Variants in RAB10 observed in about 807,000 individuals in gnomAD.
RAB10 encodes ras-related protein Rab-10.
RAB10 carries 5 observed loss-of-function variants against 25.7 expected under a neutral mutation model. That is an observed-to-expected ratio of 0.19 (90% confidence interval 0.10 to 0.41). The LOEUF (loss-of-function observed/expected upper bound fraction) is 0.41, where lower values mean the gene tolerates loss of function less well. Ranked by LOEUF, RAB10 falls within the 10% of genes least tolerant of loss-of-function variation. RAB10 has a pLI of 1.00. For missense variants in RAB10, 103 were observed against 245.8 expected, an observed-to-expected ratio of 0.42 and a Z score of 3.89; for synonymous variants, 89 against 86.4, an observed-to-expected ratio of 1.03 and a Z score of -0.16.
chr2:26,085,860 A>G (rs766561973), intron 1 of RAB10, among the ~76,000 whole-genome samples: 4 of 151,684 alleles, frequency 2.6e-5, no homozygotes, highest in African/African-American at 9.7e-5. Context: ...TTAGCTGGGC[A>G]TGGTGGCGCA....
At chr2:26,133,669 TTTTC>T (rs1018370538) in intron 5 of RAB10, among the ~76,000 whole-genome samples, 5 of 152,090 alleles carry the variant, frequency 3.3e-5, no homozygotes, top group African/African-American at 1.2e-4. Flanking sequence ...TTTTTTTTCT[TTTTC>T]TTTTTCTTTT....
At chr2:26,133,361 T>C (rs1273606564) in intron 5 of RAB10, among the ~76,000 whole-genome samples, 1 of 152,054 alleles carries the variant, frequency 6.6e-6, no homozygotes, top group African/African-American at 2.4e-5. Flanking sequence ...GAGAAGAATA[T>C]ATTCAACTAT....
intron 1 of RAB10, among the ~76,000 whole-genome samples, chr2:26,054,054 T>TCC (rs1553724319): frequency 6.9e-6 from 1 of 144,526 alleles, no homozygotes; most frequent in African/African-American, 2.7e-5. Context: ...TTTTTTTTTT[T>TCC]CCTGTTTTTT....
intron 1 of RAB10, among the ~76,000 whole-genome samples, chr2:26,085,718 T>C (rs1261407183): frequency 6.6e-6 from 1 of 151,452 alleles, no homozygotes; most frequent in African/African-American, 2.4e-5. Flanking sequence ...ATAAAGAGAC[T>C]GGGCACAGTG....
intron 4 of RAB10, 51 bp downstream of exon 4, chr2:26,127,284 G>C (rs1667925695): frequency 7.6e-6 from 10 of 1,314,070 alleles, no homozygotes; most frequent in Non-Finnish European, 1.1e-5. Flanking sequence ...TAAAGGTAAT[G>C]CTACTTTTGA....
intron 1 of RAB10, among the ~76,000 whole-genome samples, chr2:26,080,986 C>T (rs1013343094): frequency 3.0e-4 from 45 of 152,286 alleles, no homozygotes; most frequent in Admixed American, 1.2e-3. Flanking sequence ...GTAATTCCCA[C>T]AGTCCCACAT....
At chr2:26,062,854 C>T (rs1203047044) in intron 1 of RAB10, among the ~76,000 whole-genome samples, 1 of 152,064 alleles carries the variant, frequency 6.6e-6, no homozygotes, top group African/African-American at 2.4e-5. Context: ...GTGGCTCATG[C>T]CTGTAATTCC....
intron 1 of RAB10, chr2:26,042,758 A>G (rs1407343588): frequency 1.3e-5 from 2 of 152,040 alleles, no homozygotes; most frequent in Non-Finnish European, 2.9e-5. Flanking sequence ...TGACACGCAA[A>G]TTTGTGAATT....
chr2:26,125,596 C>G (rs1667888599), intron 3 of RAB10, among the ~76,000 whole-genome samples: 1 of 151,970 alleles, frequency 6.6e-6, no homozygotes, highest in Non-Finnish European at 1.5e-5. Context: ...ACTACAGGCA[C>G]ACACCACCGT....
At chr2:26,090,940 C>CAA (rs34929018) in intron 1 of RAB10, among the ~76,000 whole-genome samples, 5 of 143,110 alleles carry the variant, frequency 3.5e-5, no homozygotes, top group East Asian at 2.0e-4. Context: ...TCTCCCCCCC[C>CAA]AAAAAAAAAA....
chr2:26,119,253 T>A lies in RAB10; in HGVS notation c.328-7891T>A, dbSNP rs548717704. Among the ~76,000 whole-genome samples, 4 of 152,134 alleles carry A rather than the reference T, an allele frequency of 2.6e-5. No individual in the cohort carries two copies. The South Asian group carries it at 8.3e-4, about 32-fold the overall frequency. The stretch of plus-strand genomic sequence containing the variant: ...AAGACCTCATCTCTACTAAAAAAGT[T>A]TATTTTTTAAAGTCGGATATGGCGG... On this transcript the variant is annotated intron_variant, in intron 3 of 5. Coordinates refer to ENST00000264710, the MANE Select transcript of RAB10 (RefSeq NM_016131.5).
At chr2:26,123,958 A>G (rs1667854902) in intron 3 of RAB10, among the ~76,000 whole-genome samples, 1 of 151,864 alleles carries the variant, frequency 6.6e-6, no homozygotes, top group South Asian at 2.1e-4. Context: ...AGCAAGACCA[A>G]CCCCCTCCTC....
At chr2:26,089,997 A>C (rs1302733121) in intron 1 of RAB10, among the ~76,000 whole-genome samples, 4 of 152,050 alleles carry the variant, frequency 2.6e-5, no homozygotes, top group Non-Finnish European at 5.9e-5. Flanking sequence ...TTTGTTTTTC[A>C]TATAAATTCT....
At chr2:26,079,659 C>G (rs982391416) in intron 1 of RAB10, among the ~76,000 whole-genome samples, 5 of 152,120 alleles carry the variant, frequency 3.3e-5, no homozygotes, top group African/African-American at 1.2e-4. Flanking sequence ...TTCTCCCTCC[C>G]TTTTCTCTTC....
chr2:26,133,301 C>T (rs192179091), intron 5 of RAB10, among the ~76,000 whole-genome samples: 1 of 152,106 alleles, frequency 6.6e-6, no homozygotes, highest in East Asian at 1.9e-4. Context: ...CTGTTCTATA[C>T]AATAGCATCG....
At chr2:26,125,473 T>C (rs1667886479) in intron 3 of RAB10, among the ~76,000 whole-genome samples, 1 of 149,950 alleles carries the variant, frequency 6.7e-6, no homozygotes, top group Non-Finnish European at 1.5e-5. Context: ...TCCAGACAGG[T>C]TCTTGCTCTG....
At chr2:26,056,442 C>T (rs1360066046) in intron 1 of RAB10, among the ~76,000 whole-genome samples, 1 of 152,060 alleles carries the variant, frequency 6.6e-6, no homozygotes, top group Admixed American at 6.6e-5. Flanking sequence ...CATGATCCAC[C>T]CACCTTGGCC....
intron 1 of RAB10, among the ~76,000 whole-genome samples, chr2:26,043,457 A>G (rs1258851015): frequency 6.6e-6 from 1 of 152,172 alleles, no homozygotes; most frequent in Non-Finnish European, 1.5e-5. Flanking sequence ...TCAAACAGCT[A>G]TTTGTACACC....
At chr2:26,099,970 C>T (rs1278051793) in intron 2 of RAB10, among the ~76,000 whole-genome samples, 1 of 152,154 alleles carries the variant, frequency 6.6e-6, no homozygotes, top group East Asian at 1.9e-4. Flanking sequence ...TTTCCTGGGT[C>T]CTGTCCTGGG....
Sources: allele counts gnomAD v4.1 joint callset (sites outside exome capture counted in the v4.1 genomes callset), GRCh38; gene constraint gnomAD v4.1.1; transcripts MANE v1.5; gene names NCBI Gene and HGNC (gene_info 2026-07-23, HGNC 2026-07-21).